Variants in MUC4 observed in about 807,000 individuals in gnomAD.
The protein encoded by MUC4 is mucin 4, cell surface associated.
Under a neutral mutation model 257.9 loss-of-function variants are expected in MUC4, and 202 were observed. That is an observed-to-expected ratio of 0.78 (90% CI 0.70 to 0.88). MUC4 has a LOEUF of 0.88. MUC4 is among the 40% of genes least tolerant of loss of function. MUC4 has a pLI of 0.00. For missense variants in MUC4, 5,976 were observed against 6,513.7 expected, an observed-to-expected ratio of 0.92 and a Z score of 2.84; for synonymous variants, 2,351 against 2,757.1, an observed-to-expected ratio of 0.85 and a Z score of 4.62.
At chr3:195,753,019 C>CG (rs1560221662) in intron 20 of MUC4, 32 bp downstream of exon 20, 5 of 1,588,870 alleles carry the variant, frequency 3.1e-6, no homozygotes, top group African/African-American at 1.4e-5. Context: ...AGGAAGAGTG[C>CG]GGGGGTGAGA....
chr3:195,793,072 T>A (rs1734067919), intron 1 of MUC4, among the ~76,000 whole-genome samples: 1 of 151,984 alleles, frequency 6.6e-6, no homozygotes, highest in African/African-American at 2.4e-5. Context: ...CCATGGCACA[T>A]ATATACCTGT....
intron 1 of MUC4, among the ~76,000 whole-genome samples, chr3:195,799,591 C>T (rs1447951294): frequency 1.3e-5 from 2 of 152,140 alleles, no homozygotes; most frequent in Non-Finnish European, 2.9e-5. Context: ...CGTGAGCCAC[C>T]GCGCCCGGCC....
rs1261076611 is a variant in MUC4 at position 195,780,307 on chromosome 3, G to A, written c.11273C>T (p.Ala3758Val). 2.6e-4 allele frequency: 391 copies of A among 1,511,644 alleles called. 1 individual carries two copies. Among genetic ancestry groups the A allele is most frequent in the Non-Finnish European group, 3.2e-4 (355 of 1,122,510 alleles). The allele number at this position is 1,511,644 out of a possible 1,614,324, so 93.6% of individuals were successfully genotyped here. ...TSTSSASTGH[A>V]TPLLVTDASS... ...AGCGTCGGTGACAAGAAGAGGGGTG[G>A]CGTGACCTGTGGATGCTGAGGAAGT... The change falls in exon 2 of 25, where the codon GCC (alanine) becomes GTC (valine). Residue 3758 changes from alanine (A) to valine (V), a missense_variant. Transcript: ENST00000463781.
intron 1 of MUC4, among the ~76,000 whole-genome samples, chr3:195,804,927 T>C (rs1022622681): frequency 6.6e-6 from 1 of 152,228 alleles, no homozygotes; most frequent in African/African-American, 2.4e-5. Flanking sequence ...CCTCTTGTGA[T>C]CTCCAGCGCC....
At position 195,789,475 on chromosome 3, in the gene MUC4, T is replaced by A. The variant is rs929719426; in HGVS notation, c.2105A>T (p.Asp702Val). ...ATTFAPAPTGDGHTTQAPTTA... is the reference protein window; with the variant it reads ...ATTFAPAPTGVGHTTQAPTTA... The stretch of plus-strand genomic sequence containing the variant: ...GGTCGGGGCCTGGGTTGTGTGACCA[T>A]CCCCGGTGGGAGCTGGGGCAAAGGT... Residue 702 changes from aspartate to valine, a missense_variant, in exon 2 of 25, where the codon GAT becomes GTT. Physicochemically the swap from Asp to Val is radical, Grantham distance 152 (BLOSUM62 -3). Around this residue, in one of 44 missense-constraint regions of MUC4, gnomAD observed 1,583 missense variants for 1,257.4 expected, o/e 1.26. Coordinates refer to ENST00000463781, the MANE Select transcript of MUC4 (RefSeq NM_018406.7). The A allele has an allele frequency of 3.1e-6, 5 of 1,613,908 alleles. No homozygotes were observed. The highest frequency in any genetic ancestry group is 4.2e-6 in the Non-Finnish European group (5 of 1,179,860).
rs1399300878 is a variant in MUC4 at position 195,789,443 on chromosome 3, G to A, written c.2137C>T (p.Leu713=). Residue 713 remains leucine, a synonymous_variant, in exon 2 of 25, where the codon CTG becomes TTG. Transcript: ENST00000463781. The part of the protein sequence containing the change: ...GHTTQAPTTA[L]QAAPSSHDAT... Reference sequence around the variant, plus strand: ...TCATGGCTGCTGGGTGCTGCCTGCAGTGCTGTGGTCGGGGCCTGGGTTGTG... The same window carrying A: ...TCATGGCTGCTGGGTGCTGCCTGCAATGCTGTGGTCGGGGCCTGGGTTGTG... 1.2e-6 allele frequency: 2 copies of A among 1,614,002 alleles called. No individual in the cohort carries two copies. Among genetic ancestry groups the A allele is most frequent in the South Asian group, 2.2e-5 (2 of 91,084 alleles).
chr3:195,753,927 C>A (rs943780775), intron 19 of MUC4: 7 of 392,234 alleles, frequency 1.8e-5, no homozygotes, highest in Middle Eastern at 6.5e-4. Flanking sequence ...GGGCTCCCCC[C>A]ATCAATGCCT....
At position 195,761,505 on chromosome 3, in the gene MUC4, G is replaced by C. The variant is rs1408475079; in HGVS notation, c.14593C>G (p.Leu4865Val). Reference sequence around the variant, plus strand: ...TCACAGGTCATTCCAAAGTGGAAAAGCATCTCCTCAGGGCTCCCTGGGGGA... The same window carrying C: ...TCACAGGTCATTCCAAAGTGGAAAACCATCTCCTCAGGGCTCCCTGGGGGA... ...TIPPGSPEEMLFHFGMTWQIN... is the reference protein window; with the variant it reads ...TIPPGSPEEMVFHFGMTWQIN... The change falls in exon 15 of 25, where the codon CTT (leucine) becomes GTT (valine). Residue 4865 changes from leucine to valine, a missense_variant. Leu to Val is a conservative substitution (Grantham distance 32). This residue lies in a region of MUC4 where 996 missense variants were observed against 1,137.3 expected (regional missense o/e 0.88). Coordinates refer to ENST00000463781, the MANE Select transcript of MUC4 (RefSeq NM_018406.7). 6.2e-7 allele frequency: 1 copy of C among 1,614,024 alleles called. No homozygotes were observed. Among genetic ancestry groups the C allele is most frequent in the Admixed American group, 1.7e-5 (1 of 60,024 alleles).
In MUC4 at chr3:195,766,690, G is replaced by A; in HGVS notation, c.13591C>T (p.Pro4531Ser). 2 of 1,614,166 alleles carry A rather than the reference G, an allele frequency of 1.2e-6. No individual in the cohort carries two copies. The highest frequency in any genetic ancestry group is 1.7e-6 in the Non-Finnish European group (2 of 1,180,030). Residue 4531 changes from proline (P) to serine (S), a missense_variant, in exon 8 of 25, where the codon CCT becomes TCT. This residue lies in a region of MUC4 where 996 missense variants were observed against 1,137.3 expected (regional missense o/e 0.88). Coordinates refer to ENST00000463781, the MANE Select transcript of MUC4 (RefSeq NM_018406.7). ...GAGTTGGAATTCAGGAATCTATCAG[G>A]GCGATACCTCTCCCACACTGGCTGG... Reference protein sequence around the residue: ...MSQPVWERYRPDRFLNSNSGL... With the variant: ...MSQPVWERYRSDRFLNSNSGL...
chr3:195,806,297 C>T (rs1200897853), intron 1 of MUC4, among the ~76,000 whole-genome samples: 1 of 152,194 alleles, frequency 6.6e-6, no homozygotes, highest in Admixed American at 6.5e-5. Context: ...TGGCTGTCCT[C>T]AGCCTCAGGC....
chr3:195,747,417 G>A (rs778293655), intron 24 of MUC4, 37 bp from the exon 25 acceptor site: 21 of 1,599,980 alleles, frequency 1.3e-5, no homozygotes, highest in South Asian at 6.7e-5. Flanking sequence ...GGTCAGAGGC[G>A]GGAGCTCAGC....
Position 195,747,041 on chromosome 3 carries a change from A to G in MUC4, c.*135T>C, listed in dbSNP as rs1458743529. On this transcript the variant is annotated 3_prime_UTR_variant, in exon 25 of 25. Transcript: ENST00000463781. ...AAGGTATAGTCTTGTCTTGATTCCC[A>G]GTATTCATTCTCCTTGAAGAATCCT... 4 of 1,231,994 alleles carry G rather than the reference A, an allele frequency of 3.2e-6. No individual in the cohort carries two copies. Among genetic ancestry groups the G allele is most frequent in the South Asian group, 2.8e-5 (2 of 71,356 alleles). The allele number at this position is 1,231,994 out of a possible 1,614,324, so 76.3% of individuals were successfully genotyped here.
At position 195,801,842 on chromosome 3, in the gene MUC4, G is replaced by A. The variant is rs540693666; in HGVS notation, c.82+9894C>T. On this transcript the variant is annotated intron_variant, in intron 1 of 24. Coordinates refer to ENST00000463781, the MANE Select transcript of MUC4 (RefSeq NM_018406.7). The stretch of plus-strand genomic sequence containing the variant: ...CCTCCACGTGCTCTCCCTGGCCGGC[G>A]GCCCCGTGCCACCACCCAGCCTCAC... 3.9e-3 allele frequency among the ~76,000 whole-genome samples: 596 copies of A among 151,694 alleles called. 5 individuals carry two copies. Among genetic ancestry groups the A allele is most frequent in the Non-Finnish European group, 4.5e-3 (306 of 67,902 alleles).
rs750723382 is a variant in MUC4 at position 195,752,394 on chromosome 3, G to A, written c.15561C>T (p.Ser5187=). 3.1e-6 allele frequency: 5 copies of A among 1,614,024 alleles called. No homozygotes were observed. Among genetic ancestry groups the A allele is most frequent in the Non-Finnish European group, 4.2e-6 (5 of 1,179,840 alleles). The change falls in exon 21 of 25, where the codon TCC becomes TCT. Residue 5187 remains serine, a synonymous_variant. Transcript: ENST00000463781. ...TGACCGAGGCGTTGACTTCTGCCATGGAGGCATTTTCCTCTTCACTGAGCA... is the reference window on the plus strand; with the variant it reads ...TGACCGAGGCGTTGACTTCTGCCATAGAGGCATTTTCCTCTTCACTGAGCA... The part of the protein sequence containing the change: ...QLLLSEEENA[S]MAEVNASVAY...
chr3:195,758,387 C>G (rs1208206412), intron 17 of MUC4, among the ~76,000 whole-genome samples: 1 of 152,094 alleles, frequency 6.6e-6, no homozygotes, highest in African/African-American at 2.4e-5. Context: ...AGAAAGGTAC[C>G]AAACGAAAGT....
chr3:195,789,214 T>G lies in MUC4; in HGVS notation c.2366A>C (p.Glu789Ala). Residue 789 changes from glutamate to alanine, a missense_variant, in exon 2 of 25, where the codon GAA becomes GCA. By Grantham distance (107) the Glu-to-Ala change is moderately radical. Coordinates refer to ENST00000463781, the MANE Select transcript of MUC4 (RefSeq NM_018406.7). ...GGTTCGTGACCCTGAGGAGGCCGGT[T>G]CGCTGGTCTGTGTTTGTCCAGAGGC... ...TEASGQTQTS[E>A]PASSGSRTTS... 1 of 1,613,830 alleles carries G rather than the reference T, an allele frequency of 6.2e-7. No individual in the cohort carries two copies. Among genetic ancestry groups the G allele is most frequent in the South Asian group, 1.1e-5 (1 of 91,078 alleles).
chr3:195,759,946 G>A (rs1718442954), intron 16 of MUC4, among the ~76,000 whole-genome samples: 3 of 39,380 alleles, frequency 7.6e-5, no homozygotes, highest in Admixed American at 4.2e-4. Context: ...CACAAAACCT[G>A]GAGGGTCACA....
intron 19 of MUC4, 175 bp downstream of exon 19, chr3:195,754,038 C>T: frequency 1.2e-6 from 1 of 866,590 alleles, no homozygotes; most frequent in Non-Finnish European, 1.7e-6. Flanking sequence ...CCTAGATTTC[C>T]CATACCTGCC....
chr3:195,754,476 G>T, intron 18 of MUC4, 104 bp from the exon 19 acceptor site: 1 of 1,397,398 alleles, frequency 7.2e-7, no homozygotes, highest in Non-Finnish European at 9.6e-7. Context: ...TGGACCCTGA[G>T]TCATGTCTCA....
Sources: allele counts gnomAD v4.1 joint callset (sites outside exome capture counted in the v4.1 genomes callset), GRCh38; gene constraint gnomAD v4.1.1; regional missense constraint gnomAD v4.1.1; transcripts MANE v1.5; gene names NCBI Gene and HGNC (gene_info 2026-07-23, HGNC 2026-07-21).